Variants in DGKB observed in about 807,000 individuals in gnomAD.
The protein encoded by DGKB is diacylglycerol kinase beta, also known as 90 kDa diacylglycerol kinase.
In DGKB, 67 loss-of-function variants were observed where a neutral mutation model predicts 114.3. That is an observed-to-expected ratio of 0.59 (90% CI 0.48 to 0.72). The LOEUF (loss-of-function observed/expected upper bound fraction) is 0.72, where lower values mean the gene tolerates loss of function less well. DGKB is among the 30% of genes least tolerant of loss of function. The pLI, the probability that DGKB is intolerant of heterozygous loss-of-function variation, is 0.00. For synonymous variants in DGKB, 398 were observed against 323.1 expected (o/e 1.23, Z -2.49); for missense variants, 907 against 975.2 (o/e 0.93, Z 0.93).
At chr7:14,462,884 C>A (rs971369030) in intron 21 of DGKB, among the ~76,000 whole-genome samples, 3 of 151,948 alleles carry the variant, frequency 2.0e-5, no homozygotes, top group African/African-American at 7.3e-5. Flanking sequence ...GTACTGGTAC[C>A]AAAACAGATA....
At chr7:14,959,753 T>C (rs1786731706) in intron 1 of DGKB, among the ~76,000 whole-genome samples, 1 of 151,388 alleles carries the variant, frequency 6.6e-6, no homozygotes, top group South Asian at 2.1e-4. Context: ...CATTAGATTT[T>C]ACCACTGAGA....
chr7:14,241,571 C>A (rs6944496), intron 23 of DGKB, among the ~76,000 whole-genome samples: 3,660 of 151,954 alleles, frequency 0.024, 126 homozygotes, highest in African/African-American at 0.082. Context: ...AAATATATTG[C>A]AAATGAAAAG....
intron 21 of DGKB, among the ~76,000 whole-genome samples, chr7:14,387,282 A>G (rs953262815): frequency 2.6e-5 from 4 of 151,894 alleles, no homozygotes; most frequent in South Asian, 4.2e-4. Context: ...GCGAGGTAGC[A>G]TGTGCCTGTA....
intron 9 of DGKB, among the ~76,000 whole-genome samples, chr7:14,689,215 T>A (rs866026066): frequency 7.3e-6 from 1 of 136,750 alleles, no homozygotes; most frequent in African/African-American, 2.6e-5. Context: ...TTTTTTTTTT[T>A]TTTTTTTTTG....
chr7:14,727,581 T>G (rs1199198002), intron 5 of DGKB, among the ~76,000 whole-genome samples: 1 of 152,150 alleles, frequency 6.6e-6, no homozygotes, highest in Non-Finnish European at 1.5e-5. Context: ...TCTGTGTCAG[T>G]AAGTTTATTA....
intron 23 of DGKB, among the ~76,000 whole-genome samples, chr7:14,211,120 C>G (rs1160947705): frequency 6.6e-6 from 1 of 152,060 alleles, no homozygotes; most frequent in Non-Finnish European, 1.5e-5. Flanking sequence ...CTGTTCAAAT[C>G]TGGCTCCTTT....
At chr7:14,771,828 A>G (rs1198440573) in intron 2 of DGKB, among the ~76,000 whole-genome samples, 3 of 152,118 alleles carry the variant, frequency 2.0e-5, no homozygotes, top group Non-Finnish European at 4.4e-5. Context: ...TCCAGGAGAT[A>G]ATCAACTAAG....
At chr7:14,562,257 G>T (rs1796771070) in intron 20 of DGKB, among the ~76,000 whole-genome samples, 1 of 152,198 alleles carries the variant, frequency 6.6e-6, no homozygotes, top group Admixed American at 6.5e-5. Context: ...GAAACATCTG[G>T]ATATCCAGGA....
At chr7:14,334,306 T>A (rs532745524) in intron 23 of DGKB, among the ~76,000 whole-genome samples, 2 of 151,554 alleles carry the variant, frequency 1.3e-5, no homozygotes, top group South Asian at 4.2e-4. Flanking sequence ...CCATTGCAGA[T>A]CTATAGACTT....
intron 5 of DGKB, among the ~76,000 whole-genome samples, chr7:14,728,088 A>G (rs541792581): frequency 1.3e-5 from 2 of 152,290 alleles, no homozygotes; most frequent in East Asian, 3.9e-4. Context: ...TAATCCTCCT[A>G]TTGATATTAT....
Position 14,222,172 on chromosome 7 carries a change from T to C in DGKB, c.2123-44021A>G, listed in dbSNP as rs1230797284. On this transcript the variant is annotated intron_variant, in intron 23 of 25. Coordinates refer to ENST00000402815, the MANE Select transcript of DGKB (RefSeq NM_001350709.2). ...CTAATTTCTGCCTTAATCTTTGTTTTTTCCTTCCTTCTGCTTGCTTCAGGC... is the reference window on the plus strand; with the variant it reads ...CTAATTTCTGCCTTAATCTTTGTTTCTTCCTTCCTTCTGCTTGCTTCAGGC... 6.0e-5 allele frequency among the ~76,000 whole-genome samples: 9 copies of C among 150,990 alleles called. No homozygotes were observed. In the East Asian group the frequency reaches 1.4e-3, roughly 23 times the overall value.
intron 1 of DGKB, among the ~76,000 whole-genome samples, chr7:14,895,044 CTA>C (rs1271715456): frequency 6.6e-6 from 1 of 151,490 alleles, no homozygotes; most frequent in Non-Finnish European, 1.5e-5. Flanking sequence ...TGCTGTTTTT[CTA>C]TGTGGGACAA....
intron 20 of DGKB, among the ~76,000 whole-genome samples, chr7:14,541,703 T>C (rs1427038353): frequency 2.0e-5 from 3 of 152,210 alleles, no homozygotes; most frequent in Admixed American, 1.3e-4. Flanking sequence ...TATAGGCTTT[T>C]CTGAGCAATC....
At chr7:14,165,103 C>T (rs1025203933) in intron 25 of DGKB, among the ~76,000 whole-genome samples, 8 of 152,074 alleles carry the variant, frequency 5.3e-5, no homozygotes, top group Admixed American at 2.6e-4. Flanking sequence ...AGTTTTTCCC[C>T]TCCTTCCTTA....
At chr7:14,438,922 A>C (rs1343299961) in intron 21 of DGKB, among the ~76,000 whole-genome samples, 1 of 148,714 alleles carries the variant, frequency 6.7e-6, no homozygotes, top group African/African-American at 2.5e-5. Flanking sequence ...TAAATTTCTA[A>C]GACTTTTTTT....
chr7:14,428,936 A>C (rs1359180980), intron 21 of DGKB, among the ~76,000 whole-genome samples: 1 of 152,090 alleles, frequency 6.6e-6, no homozygotes, highest in African/African-American at 2.4e-5. Flanking sequence ...TAAATTTTTT[A>C]TCTGAACAAA....
At chr7:14,696,501 C>CAAAAAAAA (rs35486620) in intron 8 of DGKB, among the ~76,000 whole-genome samples, 22 of 45,078 alleles carry the variant, frequency 4.9e-4, no homozygotes, top group Admixed American at 9.8e-4. Context: ...GACTCCGTCT[C>CAAAAAAAA]AAAAAAAAAA....
chr7:14,573,088 C>A (rs1798629289), intron 20 of DGKB, among the ~76,000 whole-genome samples: 1 of 152,084 alleles, frequency 6.6e-6, no homozygotes, highest in African/African-American at 2.4e-5. Flanking sequence ...AGTACACTTA[C>A]AATGAATGAA....
At chr7:14,527,968 G>T (rs1273069483) in intron 20 of DGKB, among the ~76,000 whole-genome samples, 3 of 152,058 alleles carry the variant, frequency 2.0e-5, no homozygotes, top group Non-Finnish European at 4.4e-5. Context: ...AATTTTTAGT[G>T]TGTGAACCCT....
Sources: gnomAD v4.1 joint callset for allele counts (sites outside exome capture counted in the v4.1 genomes callset) on GRCh38, gnomAD v4.1.1 for gene constraint, MANE v1.5 for transcripts, NCBI Gene and HGNC (gene_info 2026-07-23, HGNC 2026-07-21) for gene names.